PCDHGA4: variants seen among roughly 807,000 people sequenced by gnomAD.
PCDHGA4 encodes protocadherin gamma subfamily A, 4.
PCDHGA4 carries 38 observed loss-of-function variants against 54.6 expected under a neutral mutation model. The ratio of observed to expected loss-of-function variants is 0.70; its 90% CI spans 0.54 to 0.91. The LOEUF (loss-of-function observed/expected upper bound fraction) is 0.91. Among genes scored for constraint, PCDHGA4 ranks in the 40% least tolerant of loss-of-function variants. The pLI, the probability that PCDHGA4 is intolerant of heterozygous loss-of-function variation, is 0.00. For missense variants in PCDHGA4, 1,298 were observed against 1,220.9 expected, an observed-to-expected ratio of 1.06 and a Z score of -0.94; for synonymous variants, 511 against 512.9, an observed-to-expected ratio of 1.00 and a Z score of 0.05.
intron 2 of PCDHGA4, among the ~76,000 whole-genome samples, chr5:141,495,440 A>G (rs2099761377): frequency 6.6e-6 from 1 of 151,898 alleles, no homozygotes; most frequent in African/African-American, 2.4e-5. Context: ...CTCTGCCCCT[A>G]CTTGTCCTGC....
chr5:141,496,164 C>A (rs745320704), intron 2 of PCDHGA4, among the ~76,000 whole-genome samples: 1 of 152,084 alleles, frequency 6.6e-6, no homozygotes, highest in East Asian at 1.9e-4. Flanking sequence ...CCACCAGACA[C>A]CCTCCCATCC....
chr5:141,364,652 A>G, intron 1 of PCDHGA4: 1 of 1,614,056 alleles, frequency 6.2e-7, no homozygotes, highest in Non-Finnish European at 8.5e-7. Context: ...GAACTTTAAC[A>G]TCTTGGTTGA....
rs763104309 is a variant in PCDHGA4, at chr5:141,432,042, G to A, written c.2515-62765G>A. 5 of 1,614,090 alleles carry A rather than the reference G, an allele frequency of 3.1e-6. No homozygotes were observed. The African/African-American group carries it at 6.7e-5, about 22-fold the overall frequency. ...ATCACAGTGACCGCCACTGACCGGG[G>A]AACCCCGCCCCTATCCACGGAAACT... On this transcript the variant is annotated intron_variant, in intron 1 of 3. Transcript: ENST00000571252. The surrounding 1 kb of genome is among the most constrained non-coding windows in gnomAD (Gnocchi z 6.0).
intron 1 of PCDHGA4, chr5:141,412,940 T>G: frequency 2.2e-6 from 1 of 463,218 alleles, no homozygotes; most frequent in Non-Finnish European, 3.8e-6. Context: ...CTTAGGACTC[T>G]GAGCGCCGCT....
rs1377383542 is a variant in PCDHGA4 at position 141,357,238 on chromosome 5, C to T, written c.2131C>T (p.Pro711Ser). The T allele has an allele frequency of 6.2e-7, 1 of 1,613,756 alleles. No homozygotes were observed. Among genetic ancestry groups the T allele is most frequent in the African/African-American group, 1.3e-5 (1 of 74,934 alleles). The change falls in exon 1 of 4, where the codon CCT (proline) becomes TCT (serine). Residue 711 changes from proline (P) to serine (S), a missense_variant. Physicochemically the swap from Pro to Ser is moderately conservative, Grantham distance 74. Transcript: ENST00000571252. ...CCTGGCTGACTTGGGCAGCCTCAAG[C>T]CTTCAGCAGACCCAGACGACTCGGG... ...DVLADLGSLK[P>S]SADPDDSGLT...
Position 141,506,991 on chromosome 5 carries a change from C to T in PCDHGA4, c.2662+1510C>T, listed in dbSNP as rs190455068. 3 of 152,366 alleles carry T rather than the reference C, an allele frequency of 2.0e-5. No homozygotes were observed. In the East Asian group the frequency reaches 5.8e-4, roughly 29 times the overall value. The allele number at this position is 152,366 out of a possible 1,614,324, so 9.4% of individuals were successfully genotyped here. A position where few individuals can be genotyped will look rare whatever the true frequency, so the allele number is the denominator to read the frequency against. The stretch of plus-strand genomic sequence containing the variant: ...TGCAAGGCAGGTCTGATTTCTCACA[C>T]TCGACAGATGAGAGAACCGAGAAGG... On this transcript the variant is annotated intron_variant, in intron 3 of 3. Coordinates refer to ENST00000571252, the MANE Select transcript of PCDHGA4 (RefSeq NM_018917.4).
intron 1 of PCDHGA4, among the ~76,000 whole-genome samples, chr5:141,474,280 C>A (rs1490512371): frequency 6.6e-6 from 1 of 152,136 alleles, no homozygotes; most frequent in African/African-American, 2.4e-5. Context: ...CTCTGAATAA[C>A]CCACTAGATC....
intron 2 of PCDHGA4, among the ~76,000 whole-genome samples, chr5:141,501,420 T>C (rs1429838126): frequency 6.6e-6 from 1 of 152,006 alleles, no homozygotes; most frequent in Non-Finnish European, 1.5e-5. Context: ...AATAGTTGAC[T>C]AAATGTAGTC....
At chr5:141,448,662 C>T (rs1242351797) in intron 1 of PCDHGA4, among the ~76,000 whole-genome samples, 1 of 151,980 alleles carries the variant, frequency 6.6e-6, no homozygotes, top group Non-Finnish European at 1.5e-5. Flanking sequence ...CCATATTGGC[C>T]GGGCGCGGTG....
intron 1 of PCDHGA4, chr5:141,365,890 C>G (rs780121604): frequency 6.2e-7 from 1 of 1,614,022 alleles, no homozygotes; most frequent in East Asian, 2.2e-5. Flanking sequence ...TGAGATCCTT[C>G]GACTATGAGC....
At chr5:141,467,768 C>T (rs2099151160) in intron 1 of PCDHGA4, among the ~76,000 whole-genome samples, 2 of 151,794 alleles carry the variant, frequency 1.3e-5, no homozygotes, top group African/African-American at 2.4e-5. Flanking sequence ...CTCAAGTGCC[C>T]GCACCTCAGC....
Position 141,486,657 on chromosome 5 carries a change from T to C in PCDHGA4, c.2515-8150T>C. Reference sequence around the variant, plus strand: ...AATGCGCTTATCTCCTACTCACTCCTGGAGCCCAGGAATCGAGATGTATCA... The same window carrying C: ...AATGCGCTTATCTCCTACTCACTCCCGGAGCCCAGGAATCGAGATGTATCA... On this transcript the variant is annotated intron_variant, in intron 1 of 3. Transcript: ENST00000571252. The surrounding 1 kb of genome is among the most constrained non-coding windows in gnomAD (Gnocchi z 5.0). The C allele has an allele frequency of 6.2e-7, 1 of 1,614,010 alleles. No individual in the cohort carries two copies. Among genetic ancestry groups the C allele is most frequent in the Non-Finnish European group, 8.5e-7 (1 of 1,180,030 alleles).
chr5:141,362,299 G>C (rs781560478), intron 1 of PCDHGA4: 3 of 1,614,078 alleles, frequency 1.9e-6, no homozygotes, highest in Non-Finnish European at 2.5e-6. Context: ...TTCCAGGTCA[G>C]ATGCTTGGGA....
At chr5:141,475,992 C>A in intron 1 of PCDHGA4, 1 of 1,158,844 alleles carries the variant, frequency 8.6e-7, no homozygotes, top group Non-Finnish European at 1.2e-6. Context: ...GCGAGCAAAT[C>A]AACGGCATCC....
chr5:141,374,715 T>C (rs1260634763), intron 1 of PCDHGA4: 1 of 1,609,848 alleles, frequency 6.2e-7, no homozygotes, highest in Non-Finnish European at 8.5e-7. Context: ...TACCGCCTGG[T>C]CCTTACTGCC....
intron 1 of PCDHGA4, chr5:141,384,852 G>C: frequency 6.2e-7 from 1 of 1,613,646 alleles, no homozygotes; most frequent in Non-Finnish European, 8.5e-7. Context: ...ACCACGGTCA[G>C]CCTCCTCTGT....
rs1394234849 is a variant in PCDHGA4 at position 141,415,739 on chromosome 5, GGTTT to G, written c.2514+58119_2514+58122del. The G allele has an allele frequency of 1.9e-3, 837 of 434,806 alleles. 9 individuals are homozygous for G. In the African/African-American group the frequency reaches 0.026, roughly 14 times the overall value. The allele number at this position is 434,806 out of a possible 1,614,324, so 26.9% of individuals were successfully genotyped here. A position where few individuals can be genotyped will look rare whatever the true frequency, so the allele number is the denominator to read the frequency against. On this transcript the variant is annotated intron_variant, in intron 1 of 3. Coordinates refer to ENST00000571252, the MANE Select transcript of PCDHGA4 (RefSeq NM_018917.4). ...ATGAGTAGAATTTGATGTTTATTAAGGTTTTTTTTTTTTTTTTTTTTTTTTTTTT... is the reference window on the plus strand; with the variant it reads ...ATGAGTAGAATTTGATGTTTATTAAGTTTTTTTTTTTTTTTTTTTTTTTTT...
chr5:141,409,351 G>T, intron 1 of PCDHGA4: 1 of 1,613,982 alleles, frequency 6.2e-7, no homozygotes, highest in South Asian at 1.1e-5. Flanking sequence ...GAGAAGTCAG[G>T]TGTAATATAG....
At chr5:141,436,959 G>A (rs1385958934) in intron 1 of PCDHGA4, among the ~76,000 whole-genome samples, 1 of 152,120 alleles carries the variant, frequency 6.6e-6, no homozygotes, top group Non-Finnish European at 1.5e-5. Context: ...TCTAAACAAG[G>A]ATCTTGTGAA....
Sources: gnomAD v4.1 joint callset for allele counts (sites outside exome capture counted in the v4.1 genomes callset) on GRCh38, gnomAD v4.1.1 for gene constraint, Gnocchi (gnomAD v3.1) non-coding constraint, MANE v1.5 for transcripts, NCBI Gene and HGNC (gene_info 2026-07-23, HGNC 2026-07-21) for gene names.